WWOX: variants seen among roughly 807,000 people sequenced by gnomAD.
WWOX encodes WW domain-containing oxidoreductase.
In WWOX, 69 loss-of-function variants were observed where a neutral mutation model predicts 46.2. The ratio of observed to expected loss-of-function variants is 1.49; its 90% confidence interval spans 1.23 to 1.82. The LOEUF (loss-of-function observed/expected upper bound fraction) is 1.82, where lower values mean the gene tolerates loss of function less well. WWOX is among the 40% of genes most tolerant of loss of function. The pLI is 0.00. For missense variants in WWOX, 919 were observed against 542.6 expected, an observed-to-expected ratio of 1.69 and a Z score of -6.89; for synonymous variants, 359 against 202.6, an observed-to-expected ratio of 1.77 and a Z score of -6.56.
intron 8 of WWOX, among the ~76,000 whole-genome samples, chr16:78,513,939 G>A (rs1163033466): frequency 1.4e-5 from 2 of 147,790 alleles, no homozygotes; most frequent in Non-Finnish European, 2.9e-5. Flanking sequence ...GTCTTCTTGG[G>A]AACATCCATT....
chr16:79,085,040 C>T (rs540356187), intron 8 of WWOX, among the ~76,000 whole-genome samples: 1 of 146,876 alleles, frequency 6.8e-6, no homozygotes, highest in East Asian at 2.1e-4. Flanking sequence ...ATCCTCCCGC[C>T]TCAGCCTCCC....
At chr16:78,830,948 A>T (rs1269488644) in intron 8 of WWOX, among the ~76,000 whole-genome samples, 3 of 152,206 alleles carry the variant, frequency 2.0e-5, no homozygotes, top group African/African-American at 7.2e-5. Flanking sequence ...AATCATTGCA[A>T]ACATGTTTAG....
chr16:78,761,584 C>A (rs1214906809), intron 8 of WWOX, among the ~76,000 whole-genome samples: 1 of 152,032 alleles, frequency 6.6e-6, no homozygotes, highest in Non-Finnish European at 1.5e-5. Flanking sequence ...CCTCAGGACT[C>A]TCGCTGGTCT....
chr16:78,787,191 T>G (rs927161014), intron 8 of WWOX, among the ~76,000 whole-genome samples: 2 of 152,092 alleles, frequency 1.3e-5, no homozygotes, highest in Admixed American at 1.3e-4. Flanking sequence ...GTTCACCACT[T>G]TGACCATTTT....
At chr16:78,303,971 C>G (rs970589411) in intron 5 of WWOX, among the ~76,000 whole-genome samples, 46 of 152,326 alleles carry the variant, frequency 3.0e-4, no homozygotes, top group African/African-American at 1.1e-3. Context: ...TCTTTTAGAG[C>G]CCTTTTAAAT....
At chr16:78,337,241 C>G (rs749855867) in intron 5 of WWOX, among the ~76,000 whole-genome samples, 1 of 152,086 alleles carries the variant, frequency 6.6e-6, no homozygotes, top group East Asian at 1.9e-4. Context: ...GGTAGGAATC[C>G]TGCAGACAGA....
At chr16:78,729,861 C>G (rs528668361) in intron 8 of WWOX, among the ~76,000 whole-genome samples, 13 of 152,146 alleles carry the variant, frequency 8.5e-5, no homozygotes, top group Non-Finnish European at 1.5e-4. Flanking sequence ...ATAGTGAAAC[C>G]ACTGTGGTCC....
At chr16:79,130,611 G>A (rs1036564259) in intron 8 of WWOX, among the ~76,000 whole-genome samples, 6 of 152,152 alleles carry the variant, frequency 3.9e-5, no homozygotes, top group Admixed American at 3.9e-4. Context: ...TTGCCCCCAT[G>A]GAGTTGAAAC....
At chr16:78,960,607 G>A (rs956886404) in intron 8 of WWOX, among the ~76,000 whole-genome samples, 3 of 152,214 alleles carry the variant, frequency 2.0e-5, no homozygotes, top group Admixed American at 6.5e-5. Flanking sequence ...CCATTGGTCA[G>A]AAATAAGGAA....
intron 8 of WWOX, among the ~76,000 whole-genome samples, chr16:78,466,309 G>A (rs1003224457): frequency 6.6e-6 from 1 of 152,140 alleles, no homozygotes; most frequent in Admixed American, 6.5e-5. Flanking sequence ...GGGATTACAG[G>A]CGTGAGCCAT....
intron 8 of WWOX, among the ~76,000 whole-genome samples, chr16:79,145,391 A>G (rs1031648328): frequency 6.6e-6 from 1 of 152,130 alleles, no homozygotes; most frequent in Non-Finnish European, 1.5e-5. Flanking sequence ...ATTTTTAGAG[A>G]TGGTCTCACT....
At chr16:78,541,772 G>T (rs967445971) in intron 8 of WWOX, among the ~76,000 whole-genome samples, 1 of 151,974 alleles carries the variant, frequency 6.6e-6, no homozygotes, top group African/African-American at 2.4e-5. Context: ...TATGTCAATG[G>T]GTTAGGCACA....
At chr16:78,263,994 A>ATATTTTTTTTTT (rs1597419237) in intron 5 of WWOX, among the ~76,000 whole-genome samples, 1 of 41,488 alleles carries the variant, frequency 2.4e-5, no homozygotes, top group Non-Finnish European at 4.4e-5. Context: ...TGGCTGTGAA[A>ATATTTTTTTTTT]TCTTTTTTTT....
In WWOX at chr16:78,106,411, G is replaced by GTTTTTTTTTTTTTTTTTTTT. The variant is rs998219778; in HGVS notation, c.108-2003_108-2002insTTTTTTTTTTTTTTTTTTTT. ...ACTAGAGAGCCAGAGAGTCAGAACGGTTTTTTTTTGTTTTTTTTTTTTTTT... is the reference window on the plus strand; with the variant it reads ...ACTAGAGAGCCAGAGAGTCAGAACGGTTTTTTTTTTTTTTTTTTTTTTTTTTTTTGTTTTTTTTTTTTTTT... On this transcript the variant is annotated intron_variant, in intron 1 of 8. Coordinates refer to ENST00000566780, the MANE Select transcript of WWOX (RefSeq NM_016373.4). Among the ~76,000 whole-genome samples the GTTTTTTTTTTTTTTTTTTTT allele has an allele frequency of 3.2e-5, 4 of 123,684 alleles. 1 individual carries two copies. The highest frequency in any genetic ancestry group is 1.7e-5 in the Non-Finnish European group (1 of 59,048). The allele number at this position is 123,684 out of a possible 152,430, so 81.1% of individuals were successfully genotyped here.
At chr16:78,973,299 T>C (rs2046508100) in intron 8 of WWOX, among the ~76,000 whole-genome samples, 1 of 152,190 alleles carries the variant, frequency 6.6e-6, no homozygotes, top group South Asian at 2.1e-4. Context: ...TCCTGGCGTT[T>C]GGGTACTTAT....
chr16:79,198,349 T>TAAAGA (rs910466186), intron 8 of WWOX, among the ~76,000 whole-genome samples: 9 of 151,882 alleles, frequency 5.9e-5, no homozygotes, highest in East Asian at 3.9e-4. Flanking sequence ...AAGAGAAAAG[T>TAAAGA]AAAGAAAAGA....
intron 8 of WWOX, among the ~76,000 whole-genome samples, chr16:78,751,438 A>T (rs1298257131): frequency 7.3e-6 from 1 of 137,564 alleles, no homozygotes; most frequent in Non-Finnish European, 1.5e-5. Flanking sequence ...TATTTATCAG[A>T]TTATATATAT....
chr16:78,621,332 C>G (rs1016560808), intron 8 of WWOX, among the ~76,000 whole-genome samples: 1 of 152,092 alleles, frequency 6.6e-6, no homozygotes, highest in Non-Finnish European at 1.5e-5. Context: ...CCCCTACTCA[C>G]CACCCACCCA....
At chr16:78,218,720 G>A (rs1200433816) in intron 5 of WWOX, among the ~76,000 whole-genome samples, 1 of 152,120 alleles carries the variant, frequency 6.6e-6, no homozygotes, top group Non-Finnish European at 1.5e-5. Flanking sequence ...TTGGGGCCAG[G>A]GCCCTTTCTG....
Sources: allele counts gnomAD v4.1 joint callset (sites outside exome capture counted in the v4.1 genomes callset), GRCh38; gene constraint gnomAD v4.1.1; transcripts MANE v1.5; gene names NCBI Gene and HGNC (gene_info 2026-07-23, HGNC 2026-07-21).